Variants in KAZN observed in about 807,000 individuals in gnomAD.
KAZN encodes kazrin.
Under a neutral mutation model 87.4 loss-of-function variants are expected in KAZN, and 40 were observed. The ratio of observed to expected loss-of-function variants is 0.46; its 90% CI spans 0.36 to 0.60. KAZN has a LOEUF of 0.60. Ranked by LOEUF, KAZN falls within the 20% of genes least tolerant of loss-of-function variation. The pLI is 0.00. For missense variants in KAZN, 898 were observed against 1,073.9 expected (o/e 0.84, Z 2.29); for synonymous variants, 466 against 458.3 (o/e 1.02, Z -0.22).
chr1:14,656,714 G>A lies in KAZN; in HGVS notation c.226+57491G>A, dbSNP rs564091720. On this transcript the variant is annotated intron_variant, in intron 1 of 14. Transcript: ENST00000376030. ...AAGAGAGCCAAGGGGACGGCGCTAC[G>A]CGCTTTTAAACCACCAGATCTCGTG... is the stretch of plus-strand genomic sequence containing the variant. Among the ~76,000 whole-genome samples, 6 of 152,282 alleles carry A rather than the reference G, an allele frequency of 3.9e-5. No individual in the cohort carries two copies. In the South Asian group the frequency reaches 6.2e-4, roughly 16 times the overall value.
intron 1 of KAZN, among the ~76,000 whole-genome samples, chr1:14,798,450 C>T (rs1184580268): frequency 4.2e-5 from 4 of 94,228 alleles, no homozygotes; most frequent in African/African-American, 1.8e-4. Context: ...TTTTTTGAGA[C>T]AGAGTCTTGC....
rs199837820 is a variant in KAZN at position 15,109,803 on chromosome 1, G to A, written c.2049-2624G>A. ...TATATGTGTTTGTGTGTATGTGTAT[G>A]TGTGTGTTGTATGTGTATGTATGTG... On this transcript the variant is annotated intron_variant, in intron 13 of 14. Coordinates refer to ENST00000376030, the MANE Select transcript of KAZN (RefSeq NM_201628.3). 3.3e-3 allele frequency among the ~76,000 whole-genome samples: 482 copies of A among 147,670 alleles called. 4 individuals carry two copies. The highest frequency in any genetic ancestry group is 0.011 in the African/African-American group (452 of 41,050).
In KAZN at chr1:14,773,012, A is replaced by G. The variant is rs561529984; in HGVS notation, c.226+173789A>G. The stretch of plus-strand genomic sequence containing the variant: ...GTTCCCCACCAGCCAAGAGAATGGT[A>G]TGAATGTCCACAGGCGGCCTCTTCA... On this transcript the variant is annotated intron_variant, in intron 1 of 14. Transcript: ENST00000376030. This position sits in a 1 kb window ranked among gnomAD's most constrained non-coding sequence, Gnocchi z 5.9. 6.6e-6 allele frequency among the ~76,000 whole-genome samples: 1 copy of G among 152,150 alleles called. No homozygotes were observed. The highest frequency in any genetic ancestry group is 6.5e-5 in the Admixed American group (1 of 15,288).
chr1:14,413,366 G>A (rs542290931), intron 2 of KAZN, among the ~76,000 whole-genome samples: 13 of 151,854 alleles, frequency 8.6e-5, no homozygotes, highest in South Asian at 2.1e-4. Context: ...TGAGGCGGGC[G>A]GATCACGAGG....
At chr1:14,718,488 G>T (rs183813940) in intron 1 of KAZN, among the ~76,000 whole-genome samples, 2 of 152,220 alleles carry the variant, frequency 1.3e-5, no homozygotes, top group African/African-American at 4.8e-5. Context: ...AAAAGGAAGA[G>T]AATTGCTGAC....
intron 2 of KAZN, among the ~76,000 whole-genome samples, chr1:14,998,737 C>T (rs1026479220): frequency 2.0e-5 from 3 of 151,964 alleles, no homozygotes; most frequent in Non-Finnish European, 2.9e-5. Context: ...TTAGTAGAGA[C>T]GGGGTTTCGC....
At chr1:14,940,142 ATAGAGAG>A (rs1660887885) in intron 1 of KAZN, among the ~76,000 whole-genome samples, 1 of 152,156 alleles carries the variant, frequency 6.6e-6, no homozygotes, top group Non-Finnish European at 1.5e-5. Context: ...GGTACTTGGT[ATAGAGAG>A]CTGCTTCCTT....
intron 1 of KAZN, among the ~76,000 whole-genome samples, chr1:14,034,648 C>T (rs1570578442): frequency 6.6e-6 from 1 of 152,186 alleles, no homozygotes; most frequent in Non-Finnish European, 1.5e-5. Flanking sequence ...TGATCTCCCC[C>T]ACTAGATTAT....
rs113478498 is a variant in KAZN, at chr1:14,446,634, C to T, written c.250-152349C>T. Reference sequence around the variant, plus strand: ...CGAGGTACCATTCTTCCCCATCCAACGTATTCAAAATCTCTTCATTTCTTT... The same window carrying T: ...CGAGGTACCATTCTTCCCCATCCAATGTATTCAAAATCTCTTCATTTCTTT... On this transcript the variant is annotated intron_variant, in intron 2 of 16. Coordinates refer to the KAZN transcript ENST00000636203. 7.5e-3 allele frequency among the ~76,000 whole-genome samples: 1,149 copies of T among 152,232 alleles called. 20 individuals carry two copies. The highest frequency in any genetic ancestry group is 0.026 in the African/African-American group (1,078 of 41,530).
intron 1 of KAZN, among the ~76,000 whole-genome samples, chr1:14,039,038 G>T (rs1321964150): frequency 6.6e-6 from 1 of 152,056 alleles, no homozygotes; most frequent in African/African-American, 2.4e-5. Flanking sequence ...GGGCATGGTG[G>T]TGTGTGCCTG....
intron 1 of KAZN, among the ~76,000 whole-genome samples, chr1:14,161,044 G>T (rs1485232678): frequency 6.6e-6 from 1 of 152,152 alleles, no homozygotes; most frequent in East Asian, 1.9e-4. Flanking sequence ...CTTTACTCTG[G>T]AAGAAGACCA....
chr1:14,923,857 A>C lies in KAZN; in HGVS notation c.227-36827A>C, dbSNP rs1235063191. ...CACAGCAAAGTGGGGTGCCAGGCAG[A>C]GGCCAGGGGCTTTCAAAGACCGGGG... On this transcript the variant is annotated intron_variant, in intron 1 of 14. Coordinates refer to ENST00000376030, the MANE Select transcript of KAZN (RefSeq NM_201628.3). The surrounding 1 kb of genome is among the most constrained non-coding windows in gnomAD (Gnocchi z 4.2). 6.6e-6 allele frequency among the ~76,000 whole-genome samples: 1 copy of C among 152,224 alleles called. No homozygotes were observed. The highest frequency in any genetic ancestry group is 1.5e-5 in the Non-Finnish European group (1 of 68,032).
rs528925482 is a variant in KAZN at position 14,466,848 on chromosome 1, G to A, written c.250-132135G>A. On this transcript the variant is annotated intron_variant, in intron 2 of 16. Transcript: ENST00000636203. Reference sequence around the variant, plus strand: ...GCCTGTTGTGGTGGCGGGCGCCTGTGGTCCCAGCTACTTGGGAGGCTGAGG... The same window carrying A: ...GCCTGTTGTGGTGGCGGGCGCCTGTAGTCCCAGCTACTTGGGAGGCTGAGG... Among the ~76,000 whole-genome samples the A allele has an allele frequency of 8.8e-4, 134 of 152,126 alleles. 1 individual carries two copies. The highest frequency in any genetic ancestry group is 3.4e-3 in the Middle Eastern group (1 of 294).
intron 2 of KAZN, among the ~76,000 whole-genome samples, chr1:14,414,861 C>G (rs977191945): frequency 2.0e-5 from 3 of 152,048 alleles, no homozygotes; most frequent in African/African-American, 7.3e-5. Flanking sequence ...CCCGTCTCTA[C>G]TAAAAAATAC....
intron 2 of KAZN, among the ~76,000 whole-genome samples, chr1:14,214,415 T>C (rs1339064908): frequency 2.6e-5 from 4 of 152,168 alleles, no homozygotes; most frequent in Admixed American, 2.0e-4. Flanking sequence ...TCAATAAATA[T>C]TTTTTAAATT....
chr1:14,967,731 A>G (rs1455526831), intron 2 of KAZN, among the ~76,000 whole-genome samples: 1 of 152,242 alleles, frequency 6.6e-6, no homozygotes, highest in East Asian at 1.9e-4. Flanking sequence ...AGGGGCTGCA[A>G]GCCAAGGAGT....
intron 2 of KAZN, among the ~76,000 whole-genome samples, chr1:14,994,820 A>G (rs1235259841): frequency 6.6e-6 from 1 of 152,250 alleles, no homozygotes; most frequent in Non-Finnish European, 1.5e-5. Context: ...AACCTGCCTT[A>G]TAAGAGGAAC....
intron 2 of KAZN, among the ~76,000 whole-genome samples, chr1:14,193,956 T>G (rs545322883): frequency 3.6e-4 from 55 of 152,240 alleles, no homozygotes; most frequent in Admixed American, 1.1e-3. Context: ...ACGCATAATT[T>G]GTTGATTCCC....
At chr1:13,985,421 T>C (rs944502692) in intron 1 of KAZN, among the ~76,000 whole-genome samples, 2 of 150,750 alleles carry the variant, frequency 1.3e-5, no homozygotes, top group South Asian at 2.1e-4. Context: ...ATGGATGAAA[T>C]TGGAAATCAT....
Sources: allele counts gnomAD v4.1 joint callset (sites outside exome capture counted in the v4.1 genomes callset), GRCh38; gene constraint gnomAD v4.1.1; non-coding constraint Gnocchi (gnomAD v3.1); transcripts MANE v1.5; gene names NCBI Gene and HGNC (gene_info 2026-07-23, HGNC 2026-07-21).